SPESP1: variants seen among roughly 807,000 people sequenced by gnomAD.
The protein encoded by SPESP1 is sperm equatorial segment protein 1.
A neutral mutation model predicts 3.1 loss-of-function variants in SPESP1; 1 was observed. The ratio of observed to expected loss-of-function variants is 0.33; its 90% CI spans 0.12 to 1.54. SPESP1 has a LOEUF of 1.54. SPESP1 is among the 40% of genes most tolerant of loss of function. SPESP1 has a pLI of 0.38. For missense variants in SPESP1, 398 were observed against 410.1 expected (o/e 0.97, Z 0.26); for synonymous variants, 138 against 150.7 (o/e 0.92, Z 0.62).
At chr15:68,940,295 C>T (rs529959561) in intron 1 of SPESP1, among the ~76,000 whole-genome samples, 1 of 152,178 alleles carries the variant, frequency 6.6e-6, no homozygotes, top group Non-Finnish European at 1.5e-5. Context: ...CCCAATTTCT[C>T]GGGCTTGGAT....
In SPESP1 at chr15:68,946,187, C is replaced by T. The variant is rs146660145; in HGVS notation, c.653C>T (p.Pro218Leu). ...AAACCCGAAGAGTTTGGAAAGCACC[C>T]AGAGAGTTGGAATAATGATGACATT... ...IEKPEEFGKHPESWNNDDILK... is the reference protein window; with the variant it reads ...IEKPEEFGKHLESWNNDDILK... Residue 218 changes from proline (P) to leucine (L), a missense_variant, in exon 2 of 2, where the codon CCA (proline) becomes CTA (leucine). Transcript: ENST00000310673. 2.3e-5 allele frequency: 37 copies of T among 1,613,972 alleles called. No individual in the cohort carries two copies. Among genetic ancestry groups the T allele is most frequent in the Non-Finnish European group, 2.8e-5 (33 of 1,180,046 alleles).
intron 1 of SPESP1, among the ~76,000 whole-genome samples, chr15:68,943,151 C>A (rs889381490): frequency 6.6e-6 from 1 of 151,676 alleles, no homozygotes; most frequent in Non-Finnish European, 1.5e-5. Context: ...AAAGTCTCCT[C>A]TACTGACCAA....
intron 1 of SPESP1, among the ~76,000 whole-genome samples, chr15:68,933,587 G>C (rs923568185): frequency 7.9e-5 from 12 of 151,118 alleles, no homozygotes; most frequent in Non-Finnish European, 4.4e-5. Context: ...GGCCGGGCAC[G>C]GTGTCTTACA....
chr15:68,943,760 C>T lies in SPESP1; in HGVS notation c.65-1839C>T, dbSNP rs534148205. On this transcript the variant is annotated intron_variant, in intron 1 of 1. Transcript: ENST00000310673. The stretch of plus-strand genomic sequence containing the variant: ...ATAAAGTAGGAATATGCTAGCAGTA[C>T]GAAAGAGATTTTGTAAAACTGTTAA... 1.5e-4 allele frequency among the ~76,000 whole-genome samples: 23 copies of T among 151,390 alleles called. No homozygotes were observed. In the East Asian group the frequency reaches 2.7e-3, roughly 18 times the overall value.
At position 68,930,582 on chromosome 15, in the gene SPESP1, C is replaced by T. The variant is rs1299310450; in HGVS notation, c.-72C>T. The T allele has an allele frequency of 1.3e-6, 2 of 1,594,152 alleles. No individual in the cohort carries two copies. The highest frequency in any genetic ancestry group is 1.7e-6 in the Non-Finnish European group (2 of 1,164,620). ...GGTACTCCGCTGACACCTTCCCTTTCGGCCTTGAGGTTCCCAGCCTGGTGG... is the reference window on the plus strand; with the variant it reads ...GGTACTCCGCTGACACCTTCCCTTTTGGCCTTGAGGTTCCCAGCCTGGTGG... On this transcript the variant is annotated 5_prime_UTR_variant, in exon 1 of 2. Transcript: ENST00000310673.
chr15:68,937,741 A>G (rs1895720131), intron 1 of SPESP1, among the ~76,000 whole-genome samples: 1 of 152,168 alleles, frequency 6.6e-6, no homozygotes, highest in Non-Finnish European at 1.5e-5. Flanking sequence ...AGGAAGTAAC[A>G]TATACACATG....
intron 1 of SPESP1, among the ~76,000 whole-genome samples, chr15:68,931,379 C>T (rs1013212313): frequency 6.6e-6 from 1 of 152,126 alleles, no homozygotes; most frequent in African/African-American, 2.4e-5. Flanking sequence ...TACTGGCACA[C>T]CACCACGCTC....
chr15:68,932,603 GCTGGTCTCGAGCTC>G (rs2043977076), intron 1 of SPESP1, among the ~76,000 whole-genome samples: 1 of 152,118 alleles, frequency 6.6e-6, no homozygotes, highest in South Asian at 2.1e-4. Context: ...TGTTGGCCAG[GCTGGTCTCGAGCTC>G]CTGACCTCAA....
intron 1 of SPESP1, among the ~76,000 whole-genome samples, chr15:68,936,619 TGTG>T (rs1386584076): frequency 3.9e-5 from 6 of 152,186 alleles, no homozygotes; most frequent in Admixed American, 3.3e-4. Context: ...AAACTTAGAT[TGTG>T]GTGGTGATTG....
At chr15:68,931,168 A>C (rs967155865) in intron 1 of SPESP1, among the ~76,000 whole-genome samples, 5 of 151,856 alleles carry the variant, frequency 3.3e-5, no homozygotes, top group Non-Finnish European at 1.5e-5. Flanking sequence ...TCCATGTGCC[A>C]TATTGGTGTG....
chr15:68,936,166 A>C (rs951403370), intron 1 of SPESP1, among the ~76,000 whole-genome samples: 5 of 152,180 alleles, frequency 3.3e-5, no homozygotes, highest in African/African-American at 9.7e-5. Context: ...TATATGTTTA[A>C]GTTTTATATA....
chr15:68,944,899 ACT>A lies in SPESP1; in HGVS notation c.65-697_65-696del, dbSNP rs1000107522. Among the ~76,000 whole-genome samples the A allele has an allele frequency of 5.3e-5, 8 of 152,168 alleles. No homozygotes were observed. The South Asian group carries it at 6.2e-4, about 12-fold the overall frequency. ...ACTGGCTTTTCGGAGAGAGGAGGAA[ACT>A]CTGATTTGTAGCATTTGCTCATTTA... On this transcript the variant is annotated intron_variant, in intron 1 of 1. Transcript: ENST00000310673.
In SPESP1 at chr15:68,946,470, A is replaced by C. The variant is rs751456052; in HGVS notation, c.936A>C (p.Glu312Asp). The C allele has an allele frequency of 6.2e-6, 10 of 1,613,618 alleles. No homozygotes were observed. The African/African-American group carries it at 1.1e-4, about 17-fold the overall frequency. The stretch of plus-strand genomic sequence containing the variant: ...GTAATTCTAGATCTAAACTCTATGA[A>C]TATTTAGATATTAAATGTGTTCCAC... ...MLCNSRSKLY[E>D]YLDIKCVPPE... is the part of the protein sequence containing the mutation. The change falls in exon 2 of 2, where the codon GAA becomes GAC. Residue 312 changes from glutamate (E) to aspartate (D), a missense_variant. Coordinates refer to ENST00000310673, the MANE Select transcript of SPESP1 (RefSeq NM_145658.4).
Position 68,946,111 on chromosome 15 carries a change from T to G in SPESP1, c.577T>G (p.Ser193Ala), listed in dbSNP as rs759950589. Residue 193 changes from serine (S) to alanine (A), a missense_variant, in exon 2 of 2, where the codon TCT becomes GCT. Transcript: ENST00000310673. ...TLDKSTGIGI[S>A]TESEDVPQLS... ...AGATAAGAGCACTGGCATTGGGATC[T>G]CTACAGAATCAGAAGATGTTCCTCA... The G allele has an allele frequency of 6.8e-5, 109 of 1,614,044 alleles. No homozygotes were observed. Among genetic ancestry groups the G allele is most frequent in the Non-Finnish European group, 7.8e-5 (92 of 1,180,018 alleles).
At position 68,946,610 on chromosome 15, in the gene SPESP1, CCTA is replaced by C; in HGVS notation, c.*26_*28del. On this transcript the variant is annotated 3_prime_UTR_variant, in exon 2 of 2. Transcript: ENST00000310673. Reference sequence around the variant, plus strand: ...TAAACAATAATATAAAAATTTTAAACCTACTTGATATTCCATAACAAAGCTGAT... The same window carrying C: ...TAAACAATAATATAAAAATTTTAAACCTTGATATTCCATAACAAAGCTGAT... 1.4e-6 allele frequency: 2 copies of C among 1,421,520 alleles called. No homozygotes were observed. Among genetic ancestry groups the C allele is most frequent in the Non-Finnish European group, 1.8e-6 (2 of 1,091,166 alleles). 88.1% of individuals were successfully genotyped at this position (1,421,520 alleles called of 1,614,324 possible). A position where few individuals can be genotyped will look rare whatever the true frequency, so the allele number is the denominator to read the frequency against.
intron 1 of SPESP1, among the ~76,000 whole-genome samples, chr15:68,931,899 G>A (rs140343885): frequency 3.6e-4 from 55 of 152,268 alleles, no homozygotes; most frequent in African/African-American, 1.1e-3. Context: ...AAGCGCTATC[G>A]TGCATGCTGA....
intron 1 of SPESP1, among the ~76,000 whole-genome samples, chr15:68,942,669 C>G (rs1006993703): frequency 1.3e-5 from 2 of 152,000 alleles, no homozygotes; most frequent in African/African-American, 4.8e-5. Context: ...AGAATAATAT[C>G]TTATTAGTGA....
At position 68,946,733 on chromosome 15, in the gene SPESP1, A is replaced by T; in HGVS notation, c.*146A>T. ...TTTCTATTGTAGTTCAAATGTGCCAACATCTTTATGTGTCATGTGTTATGA... is the reference window on the plus strand; with the variant it reads ...TTTCTATTGTAGTTCAAATGTGCCATCATCTTTATGTGTCATGTGTTATGA... On this transcript the variant is annotated 3_prime_UTR_variant, in exon 2 of 2. Coordinates refer to ENST00000310673, the MANE Select transcript of SPESP1 (RefSeq NM_145658.4). The T allele has an allele frequency of 9.6e-7, 1 of 1,042,324 alleles. No individual in the cohort carries two copies. The highest frequency in any genetic ancestry group is 1.3e-6 in the Non-Finnish European group (1 of 798,204). 64.6% of individuals were successfully genotyped at this position (1,042,324 alleles called of 1,614,324 possible).
chr15:68,936,474 C>T (rs758047196), intron 1 of SPESP1, among the ~76,000 whole-genome samples: 6 of 152,170 alleles, frequency 3.9e-5, no homozygotes, highest in Non-Finnish European at 7.4e-5. Context: ...GGACACATAT[C>T]GTATGAGTCC....
Sources: gnomAD v4.1 joint callset for allele counts (sites outside exome capture counted in the v4.1 genomes callset) on GRCh38, gnomAD v4.1.1 for gene constraint, MANE v1.5 for transcripts, NCBI Gene and HGNC (gene_info 2026-07-23, HGNC 2026-07-21) for gene names.